DMD: variants seen among roughly 807,000 people sequenced by gnomAD.
DMD encodes dystrophin.
Under a neutral mutation model 330.1 loss-of-function variants are expected in DMD, and 63 were observed. The ratio of observed to expected loss-of-function variants is 0.19; its 90% CI spans 0.16 to 0.24. DMD has a LOEUF of 0.24. Among genes scored for constraint, DMD ranks in the 10% least tolerant of loss-of-function variants. The pLI is 1.00. For missense variants in DMD, 3,344 were observed against 2,684.1 expected, an observed-to-expected ratio of 1.25 and a Z score of -5.43; for synonymous variants, 1,223 against 959.8, an observed-to-expected ratio of 1.27 and a Z score of -5.07.
rs184241964 is a variant in DMD at position 32,568,685 on chromosome X, G to A, written c.1813-2804C>T. Among the ~76,000 whole-genome samples the A allele has an allele frequency of 2.3e-3, 252 of 111,174 alleles. 1 individual carries two copies. The highest frequency in any genetic ancestry group is 7.8e-3 in the African/African-American group (239 of 30,547). ...GATATGAGTATCAAAAATGATGATG[G>A]CAGATTAGTTGTTTGGTCTCAGTTT... is the stretch of plus-strand genomic sequence containing the variant. On this transcript the variant is annotated intron_variant, in intron 15 of 78. Transcript: ENST00000357033.
intron 50 of DMD, among the ~76,000 whole-genome samples, chrX:31,816,794 T>TCACACACACACACACACACACACACACA (rs759346277): frequency 3.5e-5 from 3 of 85,363 alleles, no homozygotes; most frequent in African/African-American, 9.0e-5. Flanking sequence ...CAAGATTCTG[T>TCACACACACACACACACACACACACACA]CACACACACA....
At chrX:31,569,288 A>G (rs2075628780) in intron 55 of DMD, among the ~76,000 whole-genome samples, 1 of 109,913 alleles carries the variant, frequency 9.1e-6, no homozygotes, top group Non-Finnish European at 1.9e-5. Flanking sequence ...GTTTTCCTTA[A>G]TCTGAGAATG....
chrX:32,354,671 C>A (rs149118014), intron 37 of DMD, among the ~76,000 whole-genome samples: 217 of 111,191 alleles, frequency 2.0e-3, no homozygotes, highest in African/African-American at 6.9e-3. Flanking sequence ...TGGTTGCATT[C>A]TTTTGAGAAT....
At chrX:31,910,427 AT>A (rs1268567920) in intron 47 of DMD, among the ~76,000 whole-genome samples, 5 of 112,313 alleles carry the variant, frequency 4.5e-5, no homozygotes, top group African/African-American at 1.6e-4. Flanking sequence ...AATATTAACT[AT>A]CATTACCTAA....
intron 59 of DMD, among the ~76,000 whole-genome samples, chrX:31,459,270 T>C (rs1245462309): frequency 9.0e-6 from 1 of 111,690 alleles, no homozygotes. Context: ...GGCTTTAGGT[T>C]CACAACAATG....
intron 50 of DMD, among the ~76,000 whole-genome samples, chrX:31,791,309 A>G (rs1167456474): frequency 8.9e-6 from 1 of 112,104 alleles, no homozygotes. Flanking sequence ...ATTAGAACCA[A>G]CTAAAGGTTG....
chrX:32,337,508 C>CTT (rs750412729), intron 41 of DMD, among the ~76,000 whole-genome samples: 2 of 109,038 alleles, frequency 1.8e-5, no homozygotes, highest in East Asian at 5.9e-4. Flanking sequence ...CTGAAGTGGG[C>CTT]TTTTTTTTGT....
At chrX:31,315,734 A>C (rs2055953053) in intron 62 of DMD, among the ~76,000 whole-genome samples, 1 of 112,275 alleles carries the variant, frequency 8.9e-6, no homozygotes, top group African/African-American at 3.2e-5. Flanking sequence ...GTATGTATAT[A>C]TGTTGCCACC....
At chrX:31,283,758 T>C (rs1448682188) in intron 62 of DMD, among the ~76,000 whole-genome samples, 1 of 111,941 alleles carries the variant, frequency 8.9e-6, no homozygotes, top group African/African-American at 3.2e-5. Flanking sequence ...CATTTAGAAA[T>C]GTTATTAACG....
intron 7 of DMD, among the ~76,000 whole-genome samples, chrX:32,706,261 A>G (rs1206940954): frequency 1.0e-5 from 1 of 100,375 alleles, no homozygotes; most frequent in Non-Finnish European, 2.0e-5. Context: ...GAGGGATAGC[A>G]TTAGGAGATA....
chrX:32,218,960 A>C (rs1267520821), intron 43 of DMD, among the ~76,000 whole-genome samples: 1 of 111,853 alleles, frequency 8.9e-6, no homozygotes, highest in Non-Finnish European at 1.9e-5. Context: ...ATTTTTATTA[A>C]CTACCCAAAA....
chrX:32,229,081 T>C (rs1603628709), intron 43 of DMD, among the ~76,000 whole-genome samples: 1 of 111,018 alleles, frequency 9.0e-6, no homozygotes. Flanking sequence ...ATAGTGTATG[T>C]TTTTTGTTTC....
chrX:32,594,389 G>A lies in DMD; in HGVS notation c.1602+1368C>T, dbSNP rs758731191. Among the ~76,000 whole-genome samples the A allele has an allele frequency of 1.7e-4, 19 of 111,442 alleles. No individual in the cohort carries two copies. In the East Asian group the frequency reaches 2.9e-3, roughly 17 times the overall value. ...ATGCCAGGGCGAAGGAAGAGAAGGC[G>A]TGAGATGGGCACTCAACACTAATAG... On this transcript the variant is annotated intron_variant, in intron 13 of 78. Coordinates refer to ENST00000357033, the MANE Select transcript of DMD (RefSeq NM_004006.3).
intron 45 of DMD, among the ~76,000 whole-genome samples, chrX:31,951,143 GTATATA>G (rs796324072): frequency 2.7e-5 from 2 of 74,338 alleles, no homozygotes; most frequent in Admixed American, 3.1e-4. Flanking sequence ...ATATATATGT[GTATATA>G]TATATATATG....
intron 7 of DMD, among the ~76,000 whole-genome samples, chrX:32,744,934 A>G (rs2069785774): frequency 8.9e-6 from 1 of 111,758 alleles, no homozygotes; most frequent in Non-Finnish European, 1.9e-5. Flanking sequence ...ACTGTATTCT[A>G]CATGTGATTA....
At chrX:32,253,909 A>T (rs1240187611) in intron 43 of DMD, among the ~76,000 whole-genome samples, 1 of 111,900 alleles carries the variant, frequency 8.9e-6, no homozygotes. Flanking sequence ...GGCGTGAGCC[A>T]CCACGCCTGG....
At chrX:32,793,349 A>T (rs1212396587) in intron 7 of DMD, among the ~76,000 whole-genome samples, 1 of 111,571 alleles carries the variant, frequency 9.0e-6, no homozygotes, top group African/African-American at 3.3e-5. Flanking sequence ...AATATTTCAA[A>T]CAATCTAACA....
chrX:31,384,349 AC>A (rs2060345196), intron 60 of DMD, among the ~76,000 whole-genome samples: 1 of 109,150 alleles, frequency 9.2e-6, no homozygotes, highest in Non-Finnish European at 1.9e-5. Context: ...TACTACTACT[AC>A]TACTACTACT....
chrX:31,940,603 T>G (rs923582380), intron 45 of DMD, among the ~76,000 whole-genome samples: 3 of 111,369 alleles, frequency 2.7e-5, no homozygotes, highest in Non-Finnish European at 3.8e-5. Flanking sequence ...TTGGAGGAAA[T>G]CTACTTGTTG....
Sources: gnomAD v4.1 joint callset for allele counts (sites outside exome capture counted in the v4.1 genomes callset) on GRCh38, gnomAD v4.1.1 for gene constraint, MANE v1.5 for transcripts, NCBI Gene and HGNC (gene_info 2026-07-23, HGNC 2026-07-21) for gene names.